OTOP3: variants seen among roughly 807,000 people sequenced by gnomAD.
OTOP3 encodes the protein otopetrin 3, also known as proton channel OTOP3.
Under a neutral mutation model 50.8 loss-of-function variants are expected in OTOP3, and 41 were observed. The observed-to-expected ratio is 0.81, with a 90% CI of 0.63 to 1.05. The LOEUF is 1.05. Ranked by LOEUF, OTOP3 falls within the 50% of genes least tolerant of loss-of-function variation. The pLI is 0.00. For missense variants in OTOP3, 788 were observed against 760.8 expected (o/e 1.04, Z -0.42); for synonymous variants, 320 against 324.4 (o/e 0.99, Z 0.14).
chr17:74,936,218 A>AGTAG (rs56299007), intron 1 of OTOP3, among the ~76,000 whole-genome samples: 4 of 152,110 alleles, frequency 2.6e-5, no homozygotes, highest in Non-Finnish European at 5.9e-5. Flanking sequence ...CACAGCAGAA[A>AGTAG]GCGCGGAGGC....
At chr17:74,948,883 T>A (rs1032875031) in intron 6 of OTOP3, among the ~76,000 whole-genome samples, 5 of 151,856 alleles carry the variant, frequency 3.3e-5, no homozygotes, top group African/African-American at 1.2e-4. Flanking sequence ...AGCCGAGGAG[T>A]GAAGCCCGAG....
At chr17:74,945,928 A>G (rs572495570) in intron 5 of OTOP3, among the ~76,000 whole-genome samples, 4 of 152,070 alleles carry the variant, frequency 2.6e-5, no homozygotes, top group Admixed American at 2.6e-4. Context: ...CTGGGACTAC[A>G]GATGTGTGCC....
chr17:74,940,720 C>CCA (rs1296164630), intron 1 of OTOP3, among the ~76,000 whole-genome samples: 1 of 152,196 alleles, frequency 6.6e-6, no homozygotes, highest in Non-Finnish European at 1.5e-5. Flanking sequence ...AACCATCCCT[C>CCA]CACCCTCCAT....
At chr17:74,947,801 G>A (rs1474776081) in intron 6 of OTOP3, among the ~76,000 whole-genome samples, 1 of 152,264 alleles carries the variant, frequency 6.6e-6, no homozygotes, top group African/African-American at 2.4e-5. Context: ...CACTCCTAGA[G>A]GAAGATGTTG....
rs1398937857 is a variant in OTOP3 at position 74,943,291 on chromosome 17, G to A, written c.579G>A (p.Trp193Ter). 4.3e-6 allele frequency: 7 copies of A among 1,614,038 alleles called. No individual in the cohort carries two copies. The East Asian group carries it at 1.6e-4, about 36-fold the overall frequency. ...IEMVFIGVQT[W>*]VLWKHCKDCV... is the part of the protein sequence containing the mutation. ...CAAGGCCCTGTCTCTTTCAGACCTG[G>A]GTGCTCTGGAAACACTGCAAAGACT... The change falls in exon 4 of 7, where the codon TGG (tryptophan) becomes TGA (stop). Residue 193 changes from tryptophan to a stop codon, truncating the protein, a stop_gained. Transcript: ENST00000328801. LOFTEE classifies it high-confidence loss of function.
intron 1 of OTOP3, among the ~76,000 whole-genome samples, chr17:74,937,002 C>T (rs2144776178): frequency 8.1e-6 from 1 of 123,826 alleles, no homozygotes; most frequent in East Asian, 2.6e-4. Context: ...TAACTCTGTC[C>T]CTCAGGCTGG....
At chr17:74,936,242 T>A (rs1365600061) in intron 1 of OTOP3, among the ~76,000 whole-genome samples, 1 of 151,872 alleles carries the variant, frequency 6.6e-6, no homozygotes, top group Admixed American at 6.6e-5. Flanking sequence ...GGGTGTGAGG[T>A]TGGTTGGGGC....
In OTOP3 at chr17:74,946,798, G is replaced by A. The variant is rs142094028; in HGVS notation, c.889G>A (p.Val297Met). Residue 297 changes from valine to methionine, a missense_variant, in exon 6 of 7, where the codon GTG becomes ATG. Val to Met is a conservative substitution (Grantham distance 21). Coordinates refer to ENST00000328801, the MANE Select transcript of OTOP3 (RefSeq NM_001272005.2). ...TGTGCTGTTTGTCATGTGGAAGAAC[G>A]TGGGCCGCCACGTGGCACCCCACAT... ...CAVLFVMWKN[V>M]GRHVAPHMGA... is the part of the protein sequence containing the mutation. 79 of 1,612,150 alleles carry A rather than the reference G, an allele frequency of 4.9e-5. No individual in the cohort carries two copies. In the African/African-American group the frequency reaches 7.6e-4, roughly 15 times the overall value.
intron 1 of OTOP3, among the ~76,000 whole-genome samples, chr17:74,940,172 GTTT>G (rs11327542): frequency 1.0e-5 from 1 of 99,962 alleles, no homozygotes; most frequent in Non-Finnish European, 2.1e-5. Flanking sequence ...CGGCTTTTTT[GTTT>G]TTTTTTTTTT....
chr17:74,941,077 CT>C (rs1158964904), intron 1 of OTOP3, among the ~76,000 whole-genome samples: 1 of 152,198 alleles, frequency 6.6e-6, no homozygotes, highest in Non-Finnish European at 1.5e-5. Flanking sequence ...TGACCAGGCA[CT>C]AGGCAGACGC....
chr17:74,943,417 C>T (rs905494850), intron 4 of OTOP3, 73 bp downstream of exon 4: 18 of 1,536,548 alleles, frequency 1.2e-5, no homozygotes, highest in Middle Eastern at 1.7e-4. Flanking sequence ...AGGGTGGCCG[C>T]GGGGCTATAG....
intron 5 of OTOP3, 59 bp downstream of exon 5, chr17:74,943,783 C>T: frequency 8.0e-7 from 1 of 1,257,500 alleles, no homozygotes; most frequent in Non-Finnish European, 1.1e-6. Flanking sequence ...CACACACACA[C>T]ACACACACAC....
chr17:74,943,167 T>G, intron 3 of OTOP3, 119 bp from the exon 4 acceptor site: 1 of 900,642 alleles, frequency 1.1e-6, no homozygotes, highest in South Asian at 1.4e-5. Context: ...GAGCCAAGAT[T>G]CCGACCCAGT....
At chr17:74,939,971 C>T (rs2039154612) in intron 1 of OTOP3, among the ~76,000 whole-genome samples, 1 of 151,818 alleles carries the variant, frequency 6.6e-6, no homozygotes, top group Non-Finnish European at 1.5e-5. Context: ...TGCAGTGGTC[C>T]AATCATAGCT....
At chr17:74,948,152 G>C (rs897426566) in intron 6 of OTOP3, among the ~76,000 whole-genome samples, 1 of 152,178 alleles carries the variant, frequency 6.6e-6, no homozygotes. Flanking sequence ...GCCAAGGAAG[G>C]CTTCATGAAG....
At position 74,947,271 on chromosome 17, in the gene OTOP3, G is replaced by T; in HGVS notation, c.1362G>T (p.Leu454=). ...AGAACCTCTTCATCATCGAGGGCCTGCACCGGCGCCCACTCTGGGAGACAG... is the reference window on the plus strand; with the variant it reads ...AGAACCTCTTCATCATCGAGGGCCTTCACCGGCGCCCACTCTGGGAGACAG... ...IAQNLFIIEG[L]HRRPLWETVP... The change falls in exon 6 of 7, where the codon CTG becomes CTT. Residue 454 remains leucine (L), a synonymous_variant. Transcript: ENST00000328801. 2.5e-6 allele frequency: 4 copies of T among 1,613,586 alleles called. No homozygotes were observed. Among genetic ancestry groups the T allele is most frequent in the Non-Finnish European group, 3.4e-6 (4 of 1,179,844 alleles).
At chr17:74,942,214 C>T (rs2039184390) in intron 3 of OTOP3, among the ~76,000 whole-genome samples, 177 bp downstream of exon 3, 1 of 152,216 alleles carries the variant, frequency 6.6e-6, no homozygotes, top group South Asian at 2.1e-4. Context: ...CACATACCCA[C>T]GGGTTCCTGC....
In OTOP3 at chr17:74,940,088, T is replaced by TACACAC. The variant is rs35662550; in HGVS notation, c.20-1265_20-1260dup. On this transcript the variant is annotated intron_variant, in intron 1 of 6. Coordinates refer to ENST00000328801, the MANE Select transcript of OTOP3 (RefSeq NM_001272005.2). ...TCATACCTGGCTAATATATATATTA[T>TACACAC]ACACACACACACACACACACACACA... Among the ~76,000 whole-genome samples, 272 of 122,340 alleles carry TACACAC rather than the reference T, an allele frequency of 2.2e-3. 3 individuals carry two copies. Among genetic ancestry groups the TACACAC allele is most frequent in the African/African-American group, 8.0e-3 (248 of 31,012 alleles). The allele number at this position is 122,340 out of a possible 152,430, so 80.3% of individuals were successfully genotyped here.
intron 5 of OTOP3, 112 bp from the exon 6 acceptor site, chr17:74,946,549 G>A: frequency 1.1e-6 from 1 of 884,518 alleles, no homozygotes; most frequent in Non-Finnish European, 1.7e-6. Context: ...TGAGCGGCTG[G>A]GTCGCTTTCA....
Sources: allele counts gnomAD v4.1 joint callset (sites outside exome capture counted in the v4.1 genomes callset), GRCh38; gene constraint gnomAD v4.1.1; transcripts MANE v1.5; gene names NCBI Gene and HGNC (gene_info 2026-07-23, HGNC 2026-07-21).